Variants in DTNA observed in about 807,000 individuals in gnomAD.
DTNA encodes the protein dystrobrevin alpha.
DTNA carries 43 observed loss-of-function variants against 100.7 expected under a neutral mutation model. The observed-to-expected ratio is 0.43, with a 90% CI of 0.33 to 0.55. The LOEUF (loss-of-function observed/expected upper bound fraction) is 0.55. DTNA is among the 20% of genes least tolerant of loss of function. The pLI, the probability that DTNA is intolerant of heterozygous loss-of-function variation, is 0.04. For missense variants in DTNA, 798 were observed against 953.9 expected, an observed-to-expected ratio of 0.84 and a Z score of 2.15; for synonymous variants, 349 against 347.9, an observed-to-expected ratio of 1.00 and a Z score of -0.04.
chr18:34,881,446 T>TTTTTTTTG, intron 20 of DTNA, among the ~76,000 whole-genome samples: 1 of 145,276 alleles, frequency 6.9e-6, no homozygotes, highest in African/African-American at 2.6e-5. Flanking sequence ...GCTTTTTTTT[T>TTTTTTTTG]TTTTTTTTTT....
intron 6 of DTNA, 88 bp from the exon 7 acceptor site, chr18:34,815,821 G>C (rs2095583693): frequency 8.6e-7 from 1 of 1,165,792 alleles, no homozygotes; most frequent in African/African-American, 1.5e-5. Flanking sequence ...GTGCTCTTTT[G>C]TTTCAGTCTC....
chr18:34,495,675 A>G (rs2039114156), intron 1 of DTNA, among the ~76,000 whole-genome samples: 1 of 152,212 alleles, frequency 6.6e-6, no homozygotes, highest in Admixed American at 6.5e-5. Context: ...AGGGCATTCG[A>G]GTCTGTCATG....
chr18:34,635,283 T>C (rs979809349), intron 1 of DTNA, among the ~76,000 whole-genome samples: 1 of 152,210 alleles, frequency 6.6e-6, no homozygotes, highest in Non-Finnish European at 1.5e-5. Flanking sequence ...GCACTTAGGT[T>C]AATTCCCCAT....
chr18:34,773,016 C>G (rs1301126110), intron 3 of DTNA, among the ~76,000 whole-genome samples: 2 of 152,228 alleles, frequency 1.3e-5, no homozygotes, highest in Non-Finnish European at 2.9e-5. Context: ...TGCCTCATGG[C>G]CCCTGTGGGC....
chr18:34,551,164 A>G (rs1015581980), intron 1 of DTNA, among the ~76,000 whole-genome samples: 2 of 152,188 alleles, frequency 1.3e-5, no homozygotes, highest in Non-Finnish European at 2.9e-5. Context: ...CATAAAGAGA[A>G]AAGAGTTTTG....
chr18:34,607,430 GAAT>G (rs528116087), intron 1 of DTNA, among the ~76,000 whole-genome samples: 319 of 152,260 alleles, frequency 2.1e-3, no homozygotes, highest in Middle Eastern at 3.4e-3. Context: ...TAGTTAGATG[GAAT>G]AATATTTTGA....
rs756912252 is a variant in DTNA, at chr18:34,820,909, A to G, written c.995A>G (p.His332Arg). 1 of 1,613,942 alleles carries G rather than the reference A, an allele frequency of 6.2e-7. No individual in the cohort carries two copies. Among genetic ancestry groups the G allele is most frequent in the Non-Finnish European group, 8.5e-7 (1 of 1,179,962 alleles). The change falls in exon 9 of 23, where the codon CAC (histidine) becomes CGC (arginine). Residue 332 changes from histidine to arginine, a missense_variant. His to Arg is a conservative substitution (Grantham distance 29). This residue lies in a region of DTNA where 93 missense variants were observed against 90.5 expected (regional missense o/e 1.03). Coordinates refer to ENST00000444659, the MANE Select transcript of DTNA (RefSeq NM_001386795.1). ...CCTGAGAAGCCACTCAACTTGGCTC[A>G]CATCGTGTGAGTATCCCTACCCTCC... The part of the protein sequence containing the change: ...DQPEKPLNLA[H>R]IVPPRPVTSM...
At chr18:34,500,022 TG>T (rs2039722511) in intron 1 of DTNA, among the ~76,000 whole-genome samples, 1 of 152,174 alleles carries the variant, frequency 6.6e-6, no homozygotes, top group Non-Finnish European at 1.5e-5. Context: ...TTTTCAAAAT[TG>T]TTTTAGCTAT....
intron 19 of DTNA, among the ~76,000 whole-genome samples, chr18:34,878,226 C>T (rs1400962414): frequency 6.6e-6 from 1 of 152,130 alleles, no homozygotes; most frequent in African/African-American, 2.4e-5. Flanking sequence ...GATCCTCCTG[C>T]CTCGGCCTCC....
chr18:34,588,381 C>T (rs1484876531), intron 1 of DTNA, among the ~76,000 whole-genome samples: 3 of 152,084 alleles, frequency 2.0e-5, no homozygotes, highest in Non-Finnish European at 4.4e-5. Context: ...TTACAGTCTG[C>T]CCCCAACCCC....
intron 1 of DTNA, among the ~76,000 whole-genome samples, chr18:34,497,471 A>G (rs1411203692): frequency 6.6e-6 from 1 of 152,206 alleles, no homozygotes; most frequent in Non-Finnish European, 1.5e-5. Flanking sequence ...CATTATCTCC[A>G]TTTTATAGAA....
intron 2 of DTNA, among the ~76,000 whole-genome samples, chr18:34,765,007 G>A (rs2093395081): frequency 6.6e-6 from 1 of 152,176 alleles, no homozygotes; most frequent in African/African-American, 2.4e-5. Flanking sequence ...AGGTCTTGAT[G>A]TAACAAGCAG....
intron 14 of DTNA, 103 bp downstream of exon 14, chr18:34,848,486 A>G: frequency 2.5e-6 from 3 of 1,194,420 alleles, no homozygotes; most frequent in Non-Finnish European, 3.6e-6. Context: ...TACCAGGACA[A>G]TTTGTGCTAA....
At position 34,889,605 on chromosome 18, in the gene DTNA, C is replaced by A; in HGVS notation, c.*1871C>A. On this transcript the variant is annotated 3_prime_UTR_variant, in exon 23 of 23. Coordinates refer to ENST00000444659, the MANE Select transcript of DTNA (RefSeq NM_001386795.1). Reference sequence around the variant, plus strand: ...ATCTTCATGCCCCCTCTGCAGAGGGCGGCTGTACGATGTTCACATGTCTGC... The same window carrying A: ...ATCTTCATGCCCCCTCTGCAGAGGGAGGCTGTACGATGTTCACATGTCTGC... 2 of 985,424 alleles carry A rather than the reference C, an allele frequency of 2.0e-6. No homozygotes were observed. Among genetic ancestry groups the A allele is most frequent in the Non-Finnish European group, 2.4e-6 (2 of 829,918 alleles). The allele number at this position is 985,424 out of a possible 1,614,324, so 61.0% of individuals were successfully genotyped here.
chr18:34,727,248 C>T (rs1463475547), intron 1 of DTNA, among the ~76,000 whole-genome samples: 1 of 152,214 alleles, frequency 6.6e-6, no homozygotes, highest in Admixed American at 6.5e-5. Context: ...GGAGGACTGT[C>T]CTGAAGCCTT....
At chr18:34,870,682 A>G (rs2096756587) in intron 17 of DTNA, among the ~76,000 whole-genome samples, 1 of 151,834 alleles carries the variant, frequency 6.6e-6, no homozygotes, top group Non-Finnish European at 1.5e-5. Context: ...TTCTAGCCTC[A>G]TTTCTCTCTA....
intron 5 of DTNA, among the ~76,000 whole-genome samples, chr18:34,806,902 A>G (rs770130705): frequency 1.3e-5 from 2 of 151,536 alleles, no homozygotes; most frequent in African/African-American, 2.4e-5. Context: ...TCCTTAACCA[A>G]CGACACACTG....
chr18:34,699,919 G>A (rs968276599), intron 1 of DTNA, among the ~76,000 whole-genome samples: 1 of 152,066 alleles, frequency 6.6e-6, no homozygotes, highest in African/African-American at 2.4e-5. Flanking sequence ...TTTAGACAAG[G>A]ACAGATCCAA....
At chr18:34,509,665 C>T (rs1291666428) in intron 1 of DTNA, among the ~76,000 whole-genome samples, 1 of 152,114 alleles carries the variant, frequency 6.6e-6, no homozygotes, top group Non-Finnish European at 1.5e-5. Flanking sequence ...TTCAAATCAT[C>T]TAGCTGTTCT....
Sources: allele counts gnomAD v4.1 joint callset (sites outside exome capture counted in the v4.1 genomes callset), GRCh38; gene constraint gnomAD v4.1.1; regional missense constraint gnomAD v4.1.1; transcripts MANE v1.5; gene names NCBI Gene and HGNC (gene_info 2026-07-23, HGNC 2026-07-21).